Variants in DENND4C observed in about 807,000 individuals in gnomAD.
DENND4C encodes DENN domain containing 4C.
In DENND4C, 108 loss-of-function variants were observed where a neutral mutation model predicts 203.0. The ratio of observed to expected loss-of-function variants is 0.53; its 90% CI spans 0.46 to 0.62. The LOEUF is 0.62. Among genes scored for constraint, DENND4C ranks in the 20% least tolerant of loss-of-function variants. The probability of loss-of-function intolerance (pLI) is 0.00; values close to 1 mark genes in which losing one functional copy is unlikely to be tolerated. For synonymous variants in DENND4C, 871 were observed against 792.4 expected, an observed-to-expected ratio of 1.10 and a Z score of -1.67; for missense variants, 2,481 against 2,301.2, an observed-to-expected ratio of 1.08 and a Z score of -1.60.
At position 19,372,279 on chromosome 9, in the gene DENND4C, T is replaced by G. The variant is rs1334864725; in HGVS notation, c.*106T>G. On this transcript the variant is annotated 3_prime_UTR_variant, in exon 33 of 33. Transcript: ENST00000434457. ...TCGTAAGAACTGGTGAATACGGAATTGAAGTAACTCTTGGGGACAATATAT... is the reference window on the plus strand; with the variant it reads ...TCGTAAGAACTGGTGAATACGGAATGGAAGTAACTCTTGGGGACAATATAT... 4.5e-6 allele frequency: 6 copies of G among 1,346,050 alleles called. No individual in the cohort carries two copies. Among genetic ancestry groups the G allele is most frequent in the African/African-American group, 2.9e-5 (2 of 68,430 alleles). 83.4% of individuals were successfully genotyped at this position (1,346,050 alleles called of 1,614,324 possible). A position where few individuals can be genotyped will look rare whatever the true frequency, so the allele number is the denominator to read the frequency against.
At chr9:19,341,751 G>C (rs1588954369) in intron 21 of DENND4C, among the ~76,000 whole-genome samples, 1 of 152,132 alleles carries the variant, frequency 6.6e-6, no homozygotes, top group Non-Finnish European at 1.5e-5. Flanking sequence ...CTATTTTAGT[G>C]CCCTTTTTAA....
intron 1 of DENND4C, among the ~76,000 whole-genome samples, chr9:19,251,512 T>C (rs964194044): frequency 4.6e-5 from 7 of 152,266 alleles, no homozygotes; most frequent in African/African-American, 1.7e-4. Flanking sequence ...TGTAAATTTC[T>C]GTAGCTGGCT....
intron 1 of DENND4C, among the ~76,000 whole-genome samples, chr9:19,262,038 T>C (rs1709050040): frequency 6.6e-6 from 1 of 151,482 alleles, no homozygotes; most frequent in Non-Finnish European, 1.5e-5. Context: ...TTTTGTATAT[T>C]GATTTTATAT....
intron 1 of DENND4C, among the ~76,000 whole-genome samples, chr9:19,233,585 T>C (rs1265719447): frequency 1.4e-5 from 2 of 144,570 alleles, no homozygotes; most frequent in Non-Finnish European, 3.0e-5. Context: ...TTTTGAGATG[T>C]AGTCTCGCTT....
chr9:19,245,837 CAG>C (rs1389088489), intron 1 of DENND4C, among the ~76,000 whole-genome samples: 1 of 143,014 alleles, frequency 7.0e-6, no homozygotes, highest in African/African-American at 2.6e-5. Flanking sequence ...GCCTGGACGA[CAG>C]AGCGAGACTC....
chr9:19,323,002 C>G (rs562771224), intron 12 of DENND4C, among the ~76,000 whole-genome samples: 1 of 152,146 alleles, frequency 6.6e-6, no homozygotes, highest in South Asian at 2.1e-4. Context: ...AGCATAGGAT[C>G]ACTGAAAATC....
Position 19,242,569 on chromosome 9 carries a change from A to G in DENND4C, c.-18+11736A>G, listed in dbSNP as rs570445384. Reference sequence around the variant, plus strand: ...AGTGAATGTTAGAGTTCCTGTTCGCATTTTCATTCGTATTTGGTATTGTCA... The same window carrying G: ...AGTGAATGTTAGAGTTCCTGTTCGCGTTTTCATTCGTATTTGGTATTGTCA... On this transcript the variant is annotated intron_variant, in intron 1 of 32. Transcript: ENST00000434457. 1.8e-4 allele frequency among the ~76,000 whole-genome samples: 27 copies of G among 151,466 alleles called. No individual in the cohort carries two copies. The South Asian group carries it at 4.6e-3, about 26-fold the overall frequency.
chr9:19,260,539 A>G (rs79189437), intron 1 of DENND4C, among the ~76,000 whole-genome samples: 8,163 of 152,100 alleles, frequency 0.054, 365 homozygotes, highest in African/African-American at 0.12. Context: ...CTGGATCTAC[A>G]GGTGTGTGCC....
rs368552198 is a variant in DENND4C, at chr9:19,316,560, A to G, written c.1588+43A>G. 1.5e-4 allele frequency: 235 copies of G among 1,601,066 alleles called. 1 individual carries two copies. Among genetic ancestry groups the G allele is most frequent in the Non-Finnish European group, 1.9e-4 (222 of 1,171,862 alleles). On this transcript the variant is annotated intron_variant, in intron 11 of 32. Coordinates refer to ENST00000434457, the MANE Select transcript of DENND4C (RefSeq NM_001330640.2). ...GAATATTATTAATGAAGGAATGTAT[A>G]CGAGAAAATTCTTCTTAAATTTAAC...
At chr9:19,369,626 G>T (rs552222654) in intron 30 of DENND4C, among the ~76,000 whole-genome samples, 33 of 151,970 alleles carry the variant, frequency 2.2e-4, no homozygotes, top group Admixed American at 2.2e-3. Context: ...AATTAGCTGG[G>T]CATGGTGGCA....
At chr9:19,317,338 CTTTACAATTAGTTTGTGCAAT>C (rs1842030642) in intron 12 of DENND4C, among the ~76,000 whole-genome samples, 1 of 151,908 alleles carries the variant, frequency 6.6e-6, no homozygotes, top group Non-Finnish European at 1.5e-5. Context: ...ACACTTTTGG[CTTTACAATTAGTTTGTGCAAT>C]GAGGGCACTA....
At chr9:19,353,520 C>A (rs545679600) in intron 26 of DENND4C, among the ~76,000 whole-genome samples, 1 of 151,912 alleles carries the variant, frequency 6.6e-6, no homozygotes, top group South Asian at 2.1e-4. Flanking sequence ...CCCAGGCACC[C>A]GGGAGGCTGA....
At position 19,300,256 on chromosome 9, in the gene DENND4C, T is replaced by A. The variant is rs1182310954; in HGVS notation, c.1236T>A (p.Val412=). 6.2e-7 allele frequency: 1 copy of A among 1,612,806 alleles called. No homozygotes were observed. Among genetic ancestry groups the A allele is most frequent in the South Asian group, 1.1e-5 (1 of 90,896 alleles). ...ATTGTGCAACACTGCTGCTCTTTGT[T>A]TTACTTGAGAGTAAAATTCTGCTGC... ...PENCATLLLF[V]LLESKILLHS... The change falls in exon 9 of 33, where the codon GTT becomes GTA. Residue 412 remains valine, a synonymous_variant. Transcript: ENST00000434457.
At chr9:19,334,518 T>G (rs1819988845) in intron 17 of DENND4C, among the ~76,000 whole-genome samples, 1 of 135,360 alleles carries the variant, frequency 7.4e-6, no homozygotes, top group South Asian at 2.3e-4. Context: ...TGTTTTTGGG[T>G]TTTTTTTTTT....
At chr9:19,249,204 A>C (rs116447028) in intron 1 of DENND4C, among the ~76,000 whole-genome samples, 3,027 of 152,252 alleles carry the variant, frequency 0.02, 112 homozygotes, top group African/African-American at 0.069. Context: ...CCAGCATTTA[A>C]AACGATGTTT....
chr9:19,287,569 A>G (rs576280929), intron 3 of DENND4C, among the ~76,000 whole-genome samples: 1 of 151,270 alleles, frequency 6.6e-6, no homozygotes, highest in East Asian at 2.0e-4. Flanking sequence ...CTGGTCTTGA[A>G]CTCTTGACCT....
At chr9:19,288,302 A>T (rs1028657625) in intron 3 of DENND4C, among the ~76,000 whole-genome samples, 1 of 152,082 alleles carries the variant, frequency 6.6e-6, no homozygotes, top group Non-Finnish European at 1.5e-5. Context: ...TCCAGTGCAC[A>T]CTCCGTTTTG....
chr9:19,357,274 T>C (rs1825634892), intron 27 of DENND4C, 120 bp downstream of exon 27: 2 of 848,348 alleles, frequency 2.4e-6, no homozygotes, highest in Non-Finnish European at 3.6e-6. Context: ...AGAGTACATC[T>C]TAACTTATTA....
chr9:19,277,049 A>G (rs1046394348), intron 2 of DENND4C, among the ~76,000 whole-genome samples: 6 of 152,002 alleles, frequency 3.9e-5, no homozygotes, highest in African/African-American at 9.7e-5. Context: ...CCTTTCCCCA[A>G]ATGGCTACCT....
Sources: allele counts gnomAD v4.1 joint callset (sites outside exome capture counted in the v4.1 genomes callset), GRCh38; gene constraint gnomAD v4.1.1; transcripts MANE v1.5; gene names NCBI Gene and HGNC (gene_info 2026-07-23, HGNC 2026-07-21).